Variants in NCOA2 observed in about 807,000 individuals in gnomAD.
NCOA2 encodes the protein class E basic helix-loop-helix protein 75.
Under a neutral mutation model 145.1 loss-of-function variants are expected in NCOA2, and 21 were observed. That is an observed-to-expected ratio of 0.14 (90% CI 0.10 to 0.21). The LOEUF is 0.21. Ranked by LOEUF, NCOA2 falls within the 10% of genes least tolerant of loss-of-function variation. NCOA2 has a pLI of 1.00. For missense variants in NCOA2, 1,472 were observed against 1,837.6 expected (o/e 0.80, Z 3.64); for synonymous variants, 619 against 637.5 (o/e 0.97, Z 0.44).
chr8:70,197,050 C>A (rs1192445669), intron 4 of NCOA2, among the ~76,000 whole-genome samples: 8 of 152,132 alleles, frequency 5.3e-5, no homozygotes, highest in Admixed American at 5.2e-4. Context: ...GATGAGGTAG[C>A]TGAAAACAGT....
chr8:70,432,049 A>G, the NCOA2 span, among the ~76,000 whole-genome samples: 3 of 152,238 alleles, frequency 2.0e-5, no homozygotes, highest in African/African-American at 7.2e-5. Context: ...TAGGGAGGAC[A>G]TAAAAGTAAA....
At chr8:70,185,636 G>A (rs957503609) in intron 4 of NCOA2, among the ~76,000 whole-genome samples, 1 of 152,150 alleles carries the variant, frequency 6.6e-6, no homozygotes, top group East Asian at 1.9e-4. Flanking sequence ...CGTGGAGGTG[G>A]AACAACTCCA....
At chr8:70,450,391 G>A in the NCOA2 span, among the ~76,000 whole-genome samples, 9 of 152,064 alleles carry the variant, frequency 5.9e-5, no homozygotes, top group Non-Finnish European at 8.8e-5. Flanking sequence ...ATAGCAAGAA[G>A]GTACCATCTC....
At chr8:70,432,720 AAAAC>A in the NCOA2 span, among the ~76,000 whole-genome samples, 1 of 152,136 alleles carries the variant, frequency 6.6e-6, no homozygotes, top group Non-Finnish European at 1.5e-5. Context: ...TTCACTCACA[AAAAC>A]AAATAAATGC....
chr8:70,188,985 T>C (rs984153483), intron 4 of NCOA2, among the ~76,000 whole-genome samples: 2 of 152,226 alleles, frequency 1.3e-5, no homozygotes, highest in African/African-American at 2.4e-5. Flanking sequence ...ACATGAATAC[T>C]ATACCAAATG....
chr8:70,387,521 C>T (rs1417176288), intron 1 of NCOA2, among the ~76,000 whole-genome samples: 1 of 152,194 alleles, frequency 6.6e-6, no homozygotes, highest in Non-Finnish European at 1.5e-5. Flanking sequence ...CTTCAACTTT[C>T]TACAAATTAG....
chr8:70,382,914 C>G (rs754484805), intron 1 of NCOA2, among the ~76,000 whole-genome samples: 1 of 152,188 alleles, frequency 6.6e-6, no homozygotes, highest in Non-Finnish European at 1.5e-5. Flanking sequence ...TATGGCACAT[C>G]ACAAACTACA....
chr8:70,166,045 A>C (rs1813578829), intron 7 of NCOA2, among the ~76,000 whole-genome samples: 1 of 151,944 alleles, frequency 6.6e-6, no homozygotes, highest in Non-Finnish European at 1.5e-5. Flanking sequence ...GATGGTCTCG[A>C]TCTCCTGATC....
intron 9 of NCOA2, among the ~76,000 whole-genome samples, chr8:70,160,681 G>GAGAGAGAGAGAC (rs58267843): frequency 2.1e-5 from 3 of 143,858 alleles, no homozygotes; most frequent in Admixed American, 2.1e-4. Context: ...GAGAGAGAGA[G>GAGAGAGAGAGAC]GGAGAGAGAG....
intron 12 of NCOA2, among the ~76,000 whole-genome samples, chr8:70,146,110 T>G (rs1256827670): frequency 6.6e-6 from 1 of 152,238 alleles, no homozygotes; most frequent in Non-Finnish European, 1.5e-5. Context: ...ACTTCTTAAC[T>G]GGGCTTTCCT....
At chr8:70,176,784 C>T (rs1437756931) in intron 4 of NCOA2, among the ~76,000 whole-genome samples, 1 of 152,158 alleles carries the variant, frequency 6.6e-6, no homozygotes, top group African/African-American at 2.4e-5. Context: ...GGCCATCTTG[C>T]TACAGTAGCT....
In NCOA2 at chr8:70,264,218, A is replaced by G. The variant is rs187531576; in HGVS notation, c.-20+32526T>C. 3.3e-5 allele frequency among the ~76,000 whole-genome samples: 5 copies of G among 151,808 alleles called. No individual in the cohort carries two copies. The East Asian group carries it at 9.7e-4, about 29-fold the overall frequency. On this transcript the variant is annotated intron_variant, in intron 2 of 22. Transcript: ENST00000452400. ...CAACAAGAGTGAAACTCTGTCTCAA[A>G]AAAAAAAAAGGGGGATTGACTGAGT...
chr8:70,140,043 A>G (rs1810203811), intron 14 of NCOA2, among the ~76,000 whole-genome samples: 1 of 152,238 alleles, frequency 6.6e-6, no homozygotes, highest in Non-Finnish European at 1.5e-5. Flanking sequence ...TCAATGATAA[A>G]GGAAATAATC....
intron 5 of NCOA2, among the ~76,000 whole-genome samples, chr8:70,174,441 A>T (rs1160888629): frequency 6.6e-6 from 1 of 152,232 alleles, no homozygotes; most frequent in East Asian, 1.9e-4. Flanking sequence ...GAACATTTCA[A>T]GCTAAAATAC....
chr8:70,263,319 C>T (rs1475194085), intron 2 of NCOA2, among the ~76,000 whole-genome samples: 2 of 150,906 alleles, frequency 1.3e-5, no homozygotes, highest in African/African-American at 2.4e-5. Context: ...TGCCCAGAAC[C>T]GTATGCAATT....
At chr8:70,300,920 T>C (rs1827439760) in intron 1 of NCOA2, among the ~76,000 whole-genome samples, 2 of 152,110 alleles carry the variant, frequency 1.3e-5, no homozygotes. Context: ...CCTATGAGGG[T>C]AGGCCCTGCT....
At chr8:70,315,389 C>A (rs908901139) in intron 1 of NCOA2, among the ~76,000 whole-genome samples, 1 of 152,086 alleles carries the variant, frequency 6.6e-6, no homozygotes, top group African/African-American at 2.4e-5. Context: ...TGGATGACGC[C>A]ATTATGGATA....
At chr8:70,343,830 A>G (rs1692355435) in intron 1 of NCOA2, among the ~76,000 whole-genome samples, 1 of 152,008 alleles carries the variant, frequency 6.6e-6, no homozygotes, top group Admixed American at 6.6e-5. Flanking sequence ...AAAAAGTGAA[A>G]GAGAAGACAA....
At chr8:70,311,683 A>G (rs1805137051) in intron 1 of NCOA2, among the ~76,000 whole-genome samples, 1 of 152,198 alleles carries the variant, frequency 6.6e-6, no homozygotes, top group African/African-American at 2.4e-5. Flanking sequence ...ATGGCATCAG[A>G]ACATGCGTCA....
Sources: gnomAD v4.1 joint callset for allele counts (sites outside exome capture counted in the v4.1 genomes callset) on GRCh38, gnomAD v4.1.1 for gene constraint, MANE v1.5 for transcripts, NCBI Gene and HGNC (gene_info 2026-07-23, HGNC 2026-07-21) for gene names.